The following NLRP5 variants were observed in gnomAD, a reference collection of about 807,000 sequenced individuals.
NLRP5 encodes NACHT, LRR and PYD domains-containing protein 5.
NLRP5 carries 93 observed loss-of-function variants against 113.1 expected under a neutral mutation model. The ratio of observed to expected loss-of-function variants is 0.82; its 90% CI spans 0.70 to 0.98. The LOEUF is 0.98. Among genes scored for constraint, NLRP5 ranks in the 50% least tolerant of loss-of-function variants. The probability of loss-of-function intolerance (pLI) is 0.00; values close to 1 mark genes in which losing one functional copy is unlikely to be tolerated. For synonymous variants in NLRP5, 751 were observed against 600.7 expected, an observed-to-expected ratio of 1.25 and a Z score of -3.66; for missense variants, 1,808 against 1,514.3, an observed-to-expected ratio of 1.19 and a Z score of -3.22.
chr19:56,002,465 T>C (rs954487886), intron 1 of NLRP5, among the ~76,000 whole-genome samples: 3 of 151,692 alleles, frequency 2.0e-5, no homozygotes, highest in East Asian at 3.9e-4. Context: ...TTTTTTTTTT[T>C]AATTTTATTA....
At chr19:56,058,458 C>T (rs1174046723) in intron 14 of NLRP5, 48 bp downstream of exon 14, 3 of 1,525,528 alleles carry the variant, frequency 2.0e-6, no homozygotes, top group Admixed American at 2.0e-5. Flanking sequence ...GCTTCTGTTC[C>T]AGGCTTGTTA....
intron 2 of NLRP5, among the ~76,000 whole-genome samples, chr19:56,008,181 G>T (rs1982023665): frequency 6.6e-6 from 1 of 151,802 alleles, no homozygotes; most frequent in Non-Finnish European, 1.5e-5. Context: ...ACCTGCCTCA[G>T]CCTCCTAAAG....
chr19:56,024,348 AAAAAAAAAG>A (rs1982728656), intron 6 of NLRP5, among the ~76,000 whole-genome samples: 1 of 144,176 alleles, frequency 6.9e-6, no homozygotes, highest in Admixed American at 7.0e-5. Flanking sequence ...CTTAAAAAAA[AAAAAAAAAG>A]AACAAATATA....
At chr19:56,055,608 C>G (rs547336143) in intron 13 of NLRP5, among the ~76,000 whole-genome samples, 19 of 132,556 alleles carry the variant, frequency 1.4e-4, no homozygotes, top group East Asian at 8.8e-4. Context: ...TGCAGTGGCG[C>G]GATCTCAGCT....
At chr19:56,005,089 G>T (rs1291153493) in intron 2 of NLRP5, among the ~76,000 whole-genome samples, 2 of 64,488 alleles carry the variant, frequency 3.1e-5, no homozygotes, top group East Asian at 6.5e-4. Flanking sequence ...GTGAGACTGT[G>T]TCTCAAAAAA....
intron 13 of NLRP5, among the ~76,000 whole-genome samples, chr19:56,054,792 T>A (rs1237198183): frequency 6.6e-6 from 1 of 152,046 alleles, no homozygotes; most frequent in East Asian, 1.9e-4. Flanking sequence ...GGTTTCCTTT[T>A]ACGGTGATGG....
At chr19:56,003,615 C>G (rs1981737674) in intron 1 of NLRP5, 121 bp from the exon 2 acceptor site, 2 of 1,210,884 alleles carry the variant, frequency 1.7e-6, no homozygotes, top group Non-Finnish European at 2.3e-6. Context: ...GCAACAAATG[C>G]TTCGTCCATG....
At chr19:56,022,788 G>A (rs778786751) in intron 6 of NLRP5, among the ~76,000 whole-genome samples, 10 of 152,002 alleles carry the variant, frequency 6.6e-5, no homozygotes, top group East Asian at 1.9e-4. Context: ...GCAATGGCGC[G>A]ATCTCAGCTC....
intron 1 of NLRP5, among the ~76,000 whole-genome samples, chr19:56,001,959 G>A (rs1007363148): frequency 6.6e-6 from 1 of 152,100 alleles, no homozygotes; most frequent in Non-Finnish European, 1.5e-5. Flanking sequence ...ACTATTTATA[G>A]GGCTCTTATA....
In NLRP5 at chr19:56,050,570, G is replaced by C; in HGVS notation, c.3110G>C (p.Cys1037Ser). 6.2e-7 allele frequency: 1 copy of C among 1,613,864 alleles called. No individual in the cohort carries two copies. Among genetic ancestry groups the C allele is most frequent in the South Asian group, 1.1e-5 (1 of 91,066 alleles). The change falls in exon 12 of 15, where the codon TGT becomes TCT. Residue 1037 changes from cysteine to serine, a missense_variant. Cys to Ser is a moderately radical substitution (Grantham distance 112). Transcript: ENST00000390649. ...TGCGAGGTCATGAGAGAACCATCTT[G>C]TCATCTCCAGGACCTGGAGTGAGTT...
At chr19:55,998,692 A>ATGTGTGTGTG (rs1272529769), upstream of NLRP5, among the ~76,000 whole-genome samples, 70 of 51,504 alleles carry the variant, frequency 1.4e-3, 2 homozygotes, top group African/African-American at 4.2e-3. Context: ...ATATATATAT[A>ATGTGTGTGTG]TATATATATA....
intron 3 of NLRP5, among the ~76,000 whole-genome samples, chr19:56,013,824 C>T (rs541827205): frequency 2.8e-4 from 42 of 152,038 alleles, no homozygotes; most frequent in African/African-American, 9.6e-4. Flanking sequence ...GCTACAGTAA[C>T]GTTTGCTCCA....
At chr19:56,008,158 G>T (rs1033238408) in intron 2 of NLRP5, among the ~76,000 whole-genome samples, 1 of 151,552 alleles carries the variant, frequency 6.6e-6, no homozygotes, top group African/African-American at 2.4e-5. Context: ...TCGATCTCCT[G>T]ACCTCGTGAT....
In NLRP5 at chr19:56,030,212, A is replaced by T. The variant is rs144631970; in HGVS notation, c.2276+1703A>T. ...TAGTGAAACCCCATCTCTGCTAAAA[A>T]TACAAAAATTAGTGGGGCGTGGTGG... is the stretch of plus-strand genomic sequence containing the variant. On this transcript the variant is annotated intron_variant, in intron 7 of 14. Coordinates refer to ENST00000390649, the MANE Select transcript of NLRP5 (RefSeq NM_153447.4). 3.9e-4 allele frequency among the ~76,000 whole-genome samples: 59 copies of T among 152,152 alleles called. No individual in the cohort carries two copies. The East Asian group carries it at 0.011, about 27-fold the overall frequency.
chr19:56,041,732 G>C (rs2123324373), intron 11 of NLRP5, among the ~76,000 whole-genome samples: 1 of 152,284 alleles, frequency 6.6e-6, no homozygotes, highest in Admixed American at 6.5e-5. Flanking sequence ...TGGATCATTT[G>C]AGCTCAGGAG....
Position 56,027,565 on chromosome 19 carries a change from C to A in NLRP5, c.1332C>A (p.Arg444=). 2 of 1,613,934 alleles carry A rather than the reference C, an allele frequency of 1.2e-6. No homozygotes were observed. Among genetic ancestry groups the A allele is most frequent in the African/African-American group, 2.7e-5 (2 of 75,042 alleles). Residue 444 remains arginine (R), a synonymous_variant, in exon 7 of 15, where the codon CGC becomes CGA. Transcript: ENST00000390649. ...AAAGAATCCACTTGCTCCTTGAGCG[C>A]GGGATTGGTGAGCATCAGAAGACAC...
intron 6 of NLRP5, among the ~76,000 whole-genome samples, chr19:56,023,049 C>T (rs1245692570): frequency 6.6e-6 from 1 of 152,154 alleles, no homozygotes; most frequent in African/African-American, 2.4e-5. Context: ...GTTTTTGATG[C>T]TTTGAATTTG....
At chr19:56,058,507 T>G in intron 14 of NLRP5, 97 bp downstream of exon 14, 7 of 1,109,830 alleles carry the variant, frequency 6.3e-6, no homozygotes, top group Non-Finnish European at 7.7e-6. Flanking sequence ...GTTGACGTCA[T>G]ACCTTGGGAG....
intron 3 of NLRP5, among the ~76,000 whole-genome samples, chr19:56,012,629 TGTC>T (rs1982242288): frequency 6.6e-6 from 1 of 150,524 alleles, no homozygotes; most frequent in African/African-American, 2.4e-5. Context: ...AAAATTGGCC[TGTC>T]TTACTTTTGC....
Sources: gnomAD v4.1 joint callset for allele counts (sites outside exome capture counted in the v4.1 genomes callset) on GRCh38, gnomAD v4.1.1 for gene constraint, MANE v1.5 for transcripts, NCBI Gene and HGNC (gene_info 2026-07-23, HGNC 2026-07-21) for gene names.